SNRPN: variants seen among roughly 807,000 people sequenced by gnomAD.
The protein encoded by SNRPN is small nuclear ribonucleoprotein-associated protein N.
In SNRPN, 7 loss-of-function variants were observed where a neutral mutation model predicts 25.2. The ratio of observed to expected loss-of-function variants is 0.28; its 90% CI spans 0.16 to 0.52. SNRPN has a LOEUF of 0.52. Ranked by LOEUF, SNRPN falls within the 20% of genes least tolerant of loss-of-function variation. The probability of loss-of-function intolerance (pLI) is 0.96; values close to 1 mark genes in which losing one functional copy is unlikely to be tolerated. For missense variants in SNRPN, 196 were observed against 322.5 expected (o/e 0.61, Z 3.00); for synonymous variants, 124 against 110.6 (o/e 1.12, Z -0.76).
chr15:24,973,728 A>G (rs1026963292), intron 3 of SNRPN, among the ~76,000 whole-genome samples: 4 of 152,128 alleles, frequency 2.6e-5, no homozygotes, highest in Non-Finnish European at 5.9e-5. Flanking sequence ...TTTGTCCTTC[A>G]TTACTTGATC....
chr15:24,915,563 C>T (rs986342506), intron 2 of SNRPN, among the ~76,000 whole-genome samples: 3 of 152,166 alleles, frequency 2.0e-5, no homozygotes, highest in Non-Finnish European at 4.4e-5. Flanking sequence ...ATGCATTATG[C>T]TCCCTTTTCT....
At chr15:24,964,215 A>G (rs1168921431) in intron 2 of SNRPN, among the ~76,000 whole-genome samples, 1 of 151,922 alleles carries the variant, frequency 6.6e-6, no homozygotes, top group African/African-American at 2.4e-5. Context: ...TTGTTTGTAT[A>G]TTGGTAAATA....
intron 1 of SNRPN, among the ~76,000 whole-genome samples, chr15:24,864,015 AT>A (rs2054275670): frequency 6.8e-6 from 1 of 146,306 alleles, no homozygotes; most frequent in South Asian, 2.1e-4. Context: ...TTATTTATTT[AT>A]TTTTATTTTA....
intron 3 of SNRPN, among the ~76,000 whole-genome samples, chr15:24,926,709 TA>T (rs895506733): frequency 6.6e-6 from 1 of 152,082 alleles, no homozygotes; most frequent in Non-Finnish European, 1.5e-5. Flanking sequence ...TTACAGAAGT[TA>T]AAAGAATATT....
chr15:24,964,238 T>C (rs2075290444), intron 2 of SNRPN, among the ~76,000 whole-genome samples: 1 of 152,186 alleles, frequency 6.6e-6, no homozygotes, highest in African/African-American at 2.4e-5. Flanking sequence ...TTGAAAGTAT[T>C]TTGTGTAATA....
intron 2 of SNRPN, among the ~76,000 whole-genome samples, chr15:24,839,940 G>A (rs572808093): frequency 2.6e-4 from 40 of 152,322 alleles, no homozygotes; most frequent in East Asian, 1.2e-3. Context: ...TAATTTTATT[G>A]GTTGAGCTTG....
At chr15:24,938,369 C>T (rs1052248771) in intron 3 of SNRPN, among the ~76,000 whole-genome samples, 2 of 152,150 alleles carry the variant, frequency 1.3e-5, no homozygotes, top group Non-Finnish European at 2.9e-5. Flanking sequence ...CTCAAGTGAT[C>T]CACCCACCTT....
intron 2 of SNRPN, among the ~76,000 whole-genome samples, chr15:24,832,552 G>A (rs903716840): frequency 1.3e-5 from 2 of 152,042 alleles, no homozygotes; most frequent in African/African-American, 4.8e-5. Context: ...GGACAGAAAT[G>A]GAACATGGGT....
chr15:24,884,510 GC>G (rs2057013974), intron 1 of SNRPN, among the ~76,000 whole-genome samples: 1 of 152,144 alleles, frequency 6.6e-6, no homozygotes, highest in African/African-American at 2.4e-5. Context: ...ATGACACTTA[GC>G]CCATCCTTGC....
At chr15:24,832,194 A>C (rs896581307) in intron 2 of SNRPN, among the ~76,000 whole-genome samples, 1 of 152,000 alleles carries the variant, frequency 6.6e-6, no homozygotes, top group South Asian at 2.1e-4. Context: ...CCATTCTAAC[A>C]AGTGTGAGAT....
chr15:24,932,491 C>T (rs927199068), intron 3 of SNRPN, among the ~76,000 whole-genome samples: 6 of 152,110 alleles, frequency 3.9e-5, no homozygotes, highest in Non-Finnish European at 5.9e-5. Flanking sequence ...GCCTCAGCCT[C>T]CTGAAGTGCT....
In SNRPN at chr15:24,967,938, G is replaced by T. The variant is rs1430382050; in HGVS notation, c.-288G>T. On this transcript the variant is annotated 5_prime_UTR_variant, in exon 3 of 10. Transcript: ENST00000390687. ...TATTGTGCTCTTGTTGTAGGTGTCA[G>T]TTGTACCCGAGGCGTTCTCAGCAGC... 1.9e-6 allele frequency: 3 copies of T among 1,613,698 alleles called. No homozygotes were observed. Among genetic ancestry groups the T allele is most frequent in the Non-Finnish European group, 2.5e-6 (3 of 1,179,894 alleles).
intron 2 of SNRPN, among the ~76,000 whole-genome samples, chr15:24,907,700 C>T (rs2058917613): frequency 1.3e-5 from 2 of 151,986 alleles, no homozygotes; most frequent in South Asian, 4.2e-4. Flanking sequence ...CCCACCTCGG[C>T]CTCCCAAAAT....
intron 2 of SNRPN, among the ~76,000 whole-genome samples, chr15:24,839,181 C>T (rs1048846550): frequency 6.6e-6 from 1 of 151,860 alleles, no homozygotes; most frequent in African/African-American, 2.4e-5. Flanking sequence ...CCTGAGCAGG[C>T]CTTCTTGATG....
intron 3 of SNRPN, among the ~76,000 whole-genome samples, chr15:24,931,014 C>T (rs2060815680): frequency 6.6e-6 from 1 of 151,974 alleles, no homozygotes; most frequent in Admixed American, 6.6e-5. Context: ...CACACCACTG[C>T]ACTCCAGCCT....
intron 1 of SNRPN, chr15:24,856,718 TA>T (rs1260669735): frequency 6.6e-6 from 1 of 152,226 alleles, no homozygotes; most frequent in Non-Finnish European, 1.5e-5. Context: ...GCTTTCCTGG[TA>T]ATATTCATTC....
intron 2 of SNRPN, among the ~76,000 whole-genome samples, chr15:24,845,290 A>T (rs948222769): frequency 6.6e-6 from 1 of 152,240 alleles, no homozygotes; most frequent in Admixed American, 6.5e-5. Context: ...CTTGACTAAT[A>T]CCACATTATA....
At chr15:24,930,854 G>C (rs1375979215) in intron 3 of SNRPN, among the ~76,000 whole-genome samples, 2 of 151,110 alleles carry the variant, frequency 1.3e-5, no homozygotes, top group African/African-American at 2.4e-5. Context: ...AGCCAAGATT[G>C]TGCCACTGTA....
intron 2 of SNRPN, among the ~76,000 whole-genome samples, chr15:24,848,152 C>G (rs576008488): frequency 3.4e-5 from 5 of 147,666 alleles, no homozygotes; most frequent in African/African-American, 1.2e-4. Flanking sequence ...AGCAAATGCG[C>G]CACTGTCCGG....
Sources: gnomAD v4.1 joint callset for allele counts (sites outside exome capture counted in the v4.1 genomes callset) on GRCh38, gnomAD v4.1.1 for gene constraint, MANE v1.5 for transcripts, NCBI Gene and HGNC (gene_info 2026-07-23, HGNC 2026-07-21) for gene names.